PTPRK: variants seen among roughly 807,000 people sequenced by gnomAD.
The protein encoded by PTPRK is receptor-type tyrosine-protein phosphatase kappa.
Under a neutral mutation model 178.0 loss-of-function variants are expected in PTPRK, and 75 were observed. The ratio of observed to expected loss-of-function variants is 0.42; its 90% CI spans 0.35 to 0.51. The LOEUF is 0.51. PTPRK is among the 20% of genes least tolerant of loss of function. PTPRK has a pLI of 0.02. For synonymous variants in PTPRK, 637 were observed against 620.6 expected (o/e 1.03, Z -0.39); for missense variants, 1,441 against 1,797.8 (o/e 0.80, Z 3.59).
intron 5 of PTPRK, among the ~76,000 whole-genome samples, chr6:128,227,051 C>T (rs1250215800): frequency 6.6e-6 from 1 of 151,992 alleles, no homozygotes; most frequent in Non-Finnish European, 1.5e-5. Context: ...GCAGTAGAGG[C>T]ATGTAAAATA....
At chr6:128,243,033 T>C (rs1814747070) in intron 3 of PTPRK, among the ~76,000 whole-genome samples, 1 of 152,170 alleles carries the variant, frequency 6.6e-6, no homozygotes, top group South Asian at 2.1e-4. Context: ...TTTAAACAGC[T>C]GAATTTTCAA....
chr6:128,482,480 G>C (rs1852224836), intron 1 of PTPRK, among the ~76,000 whole-genome samples: 1 of 152,096 alleles, frequency 6.6e-6, no homozygotes, highest in Non-Finnish European at 1.5e-5. Context: ...ACAGAGACCT[G>C]TTTAAAATAA....
At chr6:128,435,263 G>T (rs552157074) in intron 1 of PTPRK, among the ~76,000 whole-genome samples, 10 of 152,072 alleles carry the variant, frequency 6.6e-5, no homozygotes, top group Non-Finnish European at 1.3e-4. Context: ...CTCCCAAATA[G>T]GTTCTACAAT....
intron 22 of PTPRK, among the ~76,000 whole-genome samples, chr6:127,983,828 C>A (rs1490531755): frequency 2.0e-5 from 3 of 151,720 alleles, no homozygotes; most frequent in African/African-American, 4.8e-5. Context: ...TTGTAAATAC[C>A]AAGGCAAAAG....
intron 2 of PTPRK, among the ~76,000 whole-genome samples, chr6:128,353,778 A>T (rs537877137): frequency 1.3e-5 from 2 of 152,218 alleles, no homozygotes; most frequent in Non-Finnish European, 1.5e-5. Flanking sequence ...TGACAAAAAA[A>T]ATTCTGTTAT....
chr6:128,143,789 T>C (rs1035387714), intron 7 of PTPRK, among the ~76,000 whole-genome samples: 1 of 152,130 alleles, frequency 6.6e-6, no homozygotes, highest in Admixed American at 6.6e-5. Flanking sequence ...TTTTTTCCCC[T>C]CTTAATATTT....
intron 6 of PTPRK, among the ~76,000 whole-genome samples, chr6:128,199,734 G>A (rs1354437056): frequency 6.6e-6 from 1 of 152,158 alleles, no homozygotes; most frequent in Non-Finnish European, 1.5e-5. Context: ...TTTAAAGCCA[G>A]CATGTATGGC....
intron 1 of PTPRK, among the ~76,000 whole-genome samples, chr6:128,513,430 C>A (rs1430514672): frequency 6.7e-6 from 1 of 150,290 alleles, no homozygotes; most frequent in Non-Finnish European, 1.5e-5. Context: ...TTTCAGTGAG[C>A]CGAGATCGTG....
At chr6:128,476,573 C>T (rs1284565425) in intron 1 of PTPRK, among the ~76,000 whole-genome samples, 1 of 151,938 alleles carries the variant, frequency 6.6e-6, no homozygotes, top group African/African-American at 2.4e-5. Context: ...AAACAATACA[C>T]TGGAGAATCA....
At chr6:128,202,891 C>A (rs1161698323) in intron 6 of PTPRK, among the ~76,000 whole-genome samples, 1 of 152,152 alleles carries the variant, frequency 6.6e-6, no homozygotes, top group East Asian at 1.9e-4. Context: ...GGATTCTTCC[C>A]TACCTCTTTC....
chr6:128,229,334 T>C (rs1277757823), intron 5 of PTPRK, among the ~76,000 whole-genome samples: 1 of 152,158 alleles, frequency 6.6e-6, no homozygotes, highest in Non-Finnish European at 1.5e-5. Context: ...GGTGTGGAAA[T>C]AAAATGTAAC....
chr6:128,513,432 G>A (rs560871508), intron 1 of PTPRK, among the ~76,000 whole-genome samples: 2 of 149,268 alleles, frequency 1.3e-5, no homozygotes, highest in African/African-American at 2.5e-5. Flanking sequence ...TCAGTGAGCC[G>A]AGATCGTGCC....
At chr6:128,322,667 A>AATAT (rs10651820) in intron 2 of PTPRK, among the ~76,000 whole-genome samples, 10 of 143,720 alleles carry the variant, frequency 7.0e-5, no homozygotes, top group African/African-American at 2.4e-4. Flanking sequence ...CTTTTAATAT[A>AATAT]ATATATATAT....
At chr6:127,980,471 G>A (rs908737472) in intron 25 of PTPRK, among the ~76,000 whole-genome samples, 6 of 151,252 alleles carry the variant, frequency 4.0e-5, no homozygotes, top group African/African-American at 9.7e-5. Context: ...CAGCCTGGGC[G>A]ACAGAGTGAG....
chr6:127,974,416 A>C (rs900538130), intron 27 of PTPRK, among the ~76,000 whole-genome samples: 19 of 152,142 alleles, frequency 1.2e-4, no homozygotes, highest in African/African-American at 4.6e-4. Flanking sequence ...GGGACTTTGC[A>C]TATACTGTAT....
At chr6:128,246,950 C>G (rs1815569954) in intron 3 of PTPRK, among the ~76,000 whole-genome samples, 1 of 152,108 alleles carries the variant, frequency 6.6e-6, no homozygotes, top group South Asian at 2.1e-4. Flanking sequence ...ATGGGAAACC[C>G]TAGAGAACAA....
At chr6:128,316,709 C>CTTTTT (rs11296650) in intron 3 of PTPRK, among the ~76,000 whole-genome samples, 8 of 133,484 alleles carry the variant, frequency 6.0e-5, no homozygotes, top group Non-Finnish European at 9.5e-5. Flanking sequence ...TAAGCTTTTT[C>CTTTTT]TTTTTTTTTT....
At chr6:128,029,406 C>T (rs897511883) in intron 13 of PTPRK, among the ~76,000 whole-genome samples, 3 of 152,012 alleles carry the variant, frequency 2.0e-5, no homozygotes, top group Non-Finnish European at 2.9e-5. Context: ...CACCTGTAAT[C>T]CCAGCACTCT....
intron 1 of PTPRK, among the ~76,000 whole-genome samples, chr6:128,450,573 C>T (rs1391035545): frequency 1.3e-5 from 2 of 152,090 alleles, no homozygotes; most frequent in Non-Finnish European, 2.9e-5. Flanking sequence ...AAACCATTTC[C>T]ACGTCATATT....
Sources: allele counts gnomAD v4.1 joint callset (sites outside exome capture counted in the v4.1 genomes callset), GRCh38; gene constraint gnomAD v4.1.1; transcripts MANE v1.5; gene names NCBI Gene and HGNC (gene_info 2026-07-23, HGNC 2026-07-21).